Variants in EIF2AK1 observed in about 807,000 individuals in gnomAD.
The protein encoded by EIF2AK1 is eukaryotic translation initiation factor 2 alpha kinase 1.
A neutral mutation model predicts 77.9 loss-of-function variants in EIF2AK1; 54 were observed. That is an observed-to-expected ratio of 0.69 (90% CI 0.56 to 0.87). The LOEUF (loss-of-function observed/expected upper bound fraction) is 0.87. Ranked by LOEUF, EIF2AK1 falls within the 40% of genes least tolerant of loss-of-function variation. The probability of loss-of-function intolerance (pLI) is 0.00; values close to 1 mark genes in which losing one functional copy is unlikely to be tolerated. For missense variants in EIF2AK1, 810 were observed against 768.6 expected (o/e 1.05, Z -0.64); for synonymous variants, 314 against 290.5 (o/e 1.08, Z -0.82).
In EIF2AK1 at chr7:6,044,651, TC is replaced by T. The variant is rs1420704816; in HGVS notation, c.640del (p.Glu214LysfsTer2). Reference protein sequence around the residue: ...TKTVCMKVLREVKVLAGLQHP... With the variant: ...TKTVCMKVLRXVKVLAGLQHP... ...CTGAAGACCTGCCAGCACCTTCACT[TC>T]CCGTAGGACCTAGAAAAGAAATGGA... is the stretch of plus-strand genomic sequence containing the variant. On this transcript the variant is annotated frameshift_variant, in exon 7 of 15. Coordinates refer to ENST00000199389, the MANE Select transcript of EIF2AK1 (RefSeq NM_014413.4). LOFTEE classifies it high-confidence loss of function. 1.9e-6 allele frequency: 3 copies of T among 1,613,850 alleles called. No individual in the cohort carries two copies. The highest frequency in any genetic ancestry group is 2.5e-6 in the Non-Finnish European group (3 of 1,179,840).
rs1280183411 is a variant in EIF2AK1 at position 6,027,254 on chromosome 7, C to T, written c.1531-293G>A. Among the ~76,000 whole-genome samples the T allele has an allele frequency of 6.6e-6, 1 of 152,174 alleles. No homozygotes were observed. The highest frequency in any genetic ancestry group is 1.5e-5 in the Non-Finnish European group (1 of 68,036). ...CTTCAGCACCCCTTAACAATCCAGG[C>T]CTGACCCAGGCAATGATGTGAGCTC... On this transcript the variant is annotated intron_variant, in intron 13 of 14. Transcript: ENST00000199389. This position sits in a 1 kb window ranked among gnomAD's most constrained non-coding sequence, Gnocchi z 4.5.
intron 1 of EIF2AK1, among the ~76,000 whole-genome samples, chr7:6,056,613 A>ATATATATATATAT (rs1554324681): frequency 1.1e-3 from 50 of 43,720 alleles, no homozygotes; most frequent in Non-Finnish European, 1.5e-3. Flanking sequence ...AAAAAAAAAA[A>ATATATATATATAT]ATATATATAT....
Position 6,041,176 on chromosome 7 carries a change from T to C in EIF2AK1, c.835A>G (p.Ile279Val), listed in dbSNP as rs1178702619. Residue 279 changes from isoleucine (I) to valine (V), a missense_variant, in exon 9 of 15, where the codon ATT becomes GTT. By Grantham distance (29) the Ile-to-Val change is conservative. Coordinates refer to ENST00000199389, the MANE Select transcript of EIF2AK1 (RefSeq NM_014413.4). ...VKNDESSSSS[I>V]IFAEPTPEKE... The stretch of plus-strand genomic sequence containing the variant: ...TCTGGGGTGGGCTCAGCAAAGATAA[T>C]GGATGAGCTGCTACTTTCATCATTT... 2 of 1,612,832 alleles carry C rather than the reference T, an allele frequency of 1.2e-6. No individual in the cohort carries two copies. The highest frequency in any genetic ancestry group is 1.7e-6 in the Non-Finnish European group (2 of 1,179,866).
In EIF2AK1 at chr7:6,044,665, G is replaced by C; in HGVS notation, c.631-4C>G. On this transcript the variant is annotated splice_region_variant and splice_polypyrimidine_tract_variant and intron_variant, in intron 6 of 14. Transcript: ENST00000199389. ...GCACCTTCACTTCCCGTAGGACCTA[G>C]AAAAGAAATGGAAGTAGATCTGCCT... is the stretch of plus-strand genomic sequence containing the variant. 1.9e-6 allele frequency: 3 copies of C among 1,612,868 alleles called. No individual in the cohort carries two copies. Among genetic ancestry groups the C allele is most frequent in the Non-Finnish European group, 2.5e-6 (3 of 1,179,234 alleles).
In EIF2AK1 at chr7:6,035,693, C is replaced by T; in HGVS notation, c.1332+1731G>A. 1 of 1,550,626 alleles carries T rather than the reference C, an allele frequency of 6.4e-7. No individual in the cohort carries two copies. Among genetic ancestry groups the T allele is most frequent in the South Asian group, 1.2e-5 (1 of 84,052 alleles). On this transcript the variant is annotated intron_variant, in intron 11 of 14. Transcript: ENST00000199389. This position sits in a 1 kb window ranked among gnomAD's most constrained non-coding sequence, Gnocchi z 5.5. ...GCTATCCAGTTCTCTCCATTTTGAC[C>T]CAAAATGGTGCCGATGTCAATGCTA...
intron 5 of EIF2AK1, 66 bp downstream of exon 5, chr7:6,046,926 T>A (rs879107826): frequency 1.6e-5 from 22 of 1,370,060 alleles, no homozygotes; most frequent in Middle Eastern, 2.7e-4. Flanking sequence ...AAAAGAATAA[T>A]GAAAACAATA....
intron 6 of EIF2AK1, among the ~76,000 whole-genome samples, chr7:6,044,914 G>T (rs558047243): frequency 6.6e-6 from 1 of 152,250 alleles, no homozygotes; most frequent in Admixed American, 6.5e-5. Context: ...TAATGTAAGT[G>T]TTCGAAGCAC....
chr7:6,043,133 AG>A (rs770051029), intron 7 of EIF2AK1, 140 bp from the exon 8 acceptor site: 256 of 828,506 alleles, frequency 3.1e-4, no homozygotes, highest in Non-Finnish European at 4.3e-4. Context: ...AAATACAAAA[AG>A]TTTATTCAAA....
rs543853015 is a variant in EIF2AK1, at chr7:6,026,042, G to A, written c.1764+686C>T. On this transcript the variant is annotated intron_variant, in intron 14 of 14. Transcript: ENST00000199389. ...CATGTCCAGGGCAGCAGCTGCAGCC[G>A]GACCCCCACGCCAGGCCACCCCTGC... is the stretch of plus-strand genomic sequence containing the variant. Among the ~76,000 whole-genome samples the A allele has an allele frequency of 4.6e-5, 7 of 151,460 alleles. No homozygotes were observed. The East Asian group carries it at 5.8e-4, about 13-fold the overall frequency.
At chr7:6,055,503 T>C (rs1004856525) in intron 1 of EIF2AK1, among the ~76,000 whole-genome samples, 1 of 151,754 alleles carries the variant, frequency 6.6e-6, no homozygotes, top group African/African-American at 2.4e-5. Flanking sequence ...ATTTTACAGA[T>C]GAAAACACTG....
intron 5 of EIF2AK1, chr7:6,046,539 CAT>C (rs1788449057): frequency 6.1e-6 from 1 of 163,166 alleles, no homozygotes; most frequent in Non-Finnish European, 1.3e-5. Flanking sequence ...CTTCCCTGTA[CAT>C]GACAAATGTT....
At chr7:6,043,449 G>C (rs943052940) in intron 7 of EIF2AK1, among the ~76,000 whole-genome samples, 1 of 149,258 alleles carries the variant, frequency 6.7e-6, no homozygotes, top group Non-Finnish European at 1.5e-5. Context: ...TTTTTTTTTT[G>C]AGGCAGTCTC....
chr7:6,044,568 G>A lies in EIF2AK1; in HGVS notation c.724C>T (p.Pro242Ser). 1 of 1,612,816 alleles carries A rather than the reference G, an allele frequency of 6.2e-7. No homozygotes were observed. The highest frequency in any genetic ancestry group is 1.1e-5 in the South Asian group (1 of 90,886). Residue 242 changes from proline (P) to serine (S), a missense_variant, in exon 7 of 15, where the codon CCA becomes TCA. This residue lies in a region of EIF2AK1 where 549 missense variants were observed against 533.7 expected (regional missense o/e 1.03). Coordinates refer to ENST00000199389, the MANE Select transcript of EIF2AK1 (RefSeq NM_014413.4). Reference protein sequence around the residue: ...AWIEHVHVIQPRADRAAIELP... With the variant: ...AWIEHVHVIQSRADRAAIELP... ...ACCATCAAAAACGGCTTACCTCGTG[G>A]CTGAATCACATGAACATGTTCTATC...
At chr7:6,040,406 C>T (rs372313022) in intron 9 of EIF2AK1, among the ~76,000 whole-genome samples, 1 of 152,054 alleles carries the variant, frequency 6.6e-6, no homozygotes, top group Non-Finnish European at 1.5e-5. Flanking sequence ...AGCATGGTGG[C>T]AGCGTGGCCA....
chr7:6,046,947 C>T (rs1416424874), intron 5 of EIF2AK1, 45 bp downstream of exon 5: 3 of 1,441,632 alleles, frequency 2.1e-6, no homozygotes, highest in Non-Finnish European at 1.9e-6. Context: ...TCTGAAAACA[C>T]AATTATTTAG....
intron 9 of EIF2AK1, 138 bp downstream of exon 9, chr7:6,040,754 T>C (rs1788272560): frequency 2.7e-6 from 2 of 733,300 alleles, no homozygotes. Flanking sequence ...AAAGGCCCCA[T>C]GGCAAGGGGA....
At chr7:6,038,455 TA>T in intron 10 of EIF2AK1, 104 bp downstream of exon 10, 1 of 723,620 alleles carries the variant, frequency 1.4e-6, no homozygotes, top group Non-Finnish European at 2.2e-6. Flanking sequence ...ATAAAATAAA[TA>T]AAAAATAAAA....
At position 6,054,673 on chromosome 7, in the gene EIF2AK1, T is replaced by C. The variant is rs1788701378; in HGVS notation, c.150A>G (p.Leu50=). 2 of 1,613,988 alleles carry C rather than the reference T, an allele frequency of 1.2e-6. No homozygotes were observed. Among genetic ancestry groups the C allele is most frequent in the Non-Finnish European group, 1.7e-6 (2 of 1,179,998 alleles). ...ESDVPAEIQV[L]KEPLQQPTFP... The stretch of plus-strand genomic sequence containing the variant: ...AGGTTGGCTGTTGTAGGGGTTCTTT[T>C]AACACCTGGATTTCTGCTGGAACAT... Residue 50 remains leucine (L), a synonymous_variant, in exon 2 of 15, where the codon TTA becomes TTG. Transcript: ENST00000199389.
At chr7:6,042,878 CA>C in intron 8 of EIF2AK1, 54 bp downstream of exon 8, 1 of 1,508,578 alleles carries the variant, frequency 6.6e-7, no homozygotes, top group South Asian at 1.1e-5. Flanking sequence ...AAAAAAAGAA[CA>C]AAAGCCCAAT....
Sources: allele counts gnomAD v4.1 joint callset (sites outside exome capture counted in the v4.1 genomes callset), GRCh38; gene constraint gnomAD v4.1.1; regional missense constraint gnomAD v4.1.1; non-coding constraint Gnocchi (gnomAD v3.1); transcripts MANE v1.5; gene names NCBI Gene and HGNC (gene_info 2026-07-23, HGNC 2026-07-21).